Variants in EYS observed in about 807,000 individuals in gnomAD.
The protein encoded by EYS is protein eyes shut homolog.
Under a neutral mutation model 282.1 loss-of-function variants are expected in EYS, and 250 were observed. The observed-to-expected ratio is 0.89, with a 90% CI of 0.80 to 0.98. The LOEUF (loss-of-function observed/expected upper bound fraction) is 0.98. EYS is among the 50% of genes least tolerant of loss of function. The pLI is 0.00. For missense variants in EYS, 4,016 were observed against 3,709.0 expected, an observed-to-expected ratio of 1.08 and a Z score of -2.15; for synonymous variants, 1,355 against 1,282.9, an observed-to-expected ratio of 1.06 and a Z score of -1.20.
intron 18 of EYS, among the ~76,000 whole-genome samples, chr6:64,888,289 C>T (rs1027060427): frequency 6.6e-6 from 1 of 151,936 alleles, no homozygotes; most frequent in Non-Finnish European, 1.5e-5. Flanking sequence ...TGAATGTTTG[C>T]ACCACAAAGA....
chr6:64,805,526 T>A (rs1425456679), intron 22 of EYS, among the ~76,000 whole-genome samples: 1 of 151,766 alleles, frequency 6.6e-6, no homozygotes, highest in Non-Finnish European at 1.5e-5. Context: ...TATAATAAAT[T>A]CTCACTACTC....
intron 22 of EYS, among the ~76,000 whole-genome samples, chr6:64,714,857 T>C (rs1293249713): frequency 6.6e-6 from 1 of 152,092 alleles, no homozygotes; most frequent in Non-Finnish European, 1.5e-5. Context: ...CTAAAATAAA[T>C]AGGCTGATGA....
intron 5 of EYS, among the ~76,000 whole-genome samples, chr6:65,452,416 T>C (rs945696636): frequency 3.3e-5 from 5 of 151,916 alleles, no homozygotes; most frequent in Non-Finnish European, 7.4e-5. Flanking sequence ...ATAATTAAGT[T>C]TTTTAGTGTG....
At chr6:65,097,197 C>T (rs752169233) in intron 12 of EYS, among the ~76,000 whole-genome samples, 6 of 151,050 alleles carry the variant, frequency 4.0e-5, no homozygotes, top group African/African-American at 7.3e-5. Flanking sequence ...TCTGAATAAA[C>T]ACTTCTCCAA....
chr6:64,934,313 A>T (rs1374220833), intron 15 of EYS, among the ~76,000 whole-genome samples: 6 of 151,866 alleles, frequency 4.0e-5, no homozygotes, highest in Non-Finnish European at 8.8e-5. Flanking sequence ...CTACTCACAT[A>T]TGAGTTCCAA....
chr6:63,932,473 G>T (rs954725634), intron 35 of EYS, among the ~76,000 whole-genome samples: 5 of 151,996 alleles, frequency 3.3e-5, no homozygotes, highest in African/African-American at 1.2e-4. Flanking sequence ...GTGTTACCTG[G>T]TTCAACACTC....
chr6:64,758,232 T>C (rs1773021991), intron 22 of EYS, among the ~76,000 whole-genome samples: 1 of 152,116 alleles, frequency 6.6e-6, no homozygotes, highest in Non-Finnish European at 1.5e-5. Flanking sequence ...CATTCTCCCA[T>C]TTACCTCACT....
At chr6:65,515,434 T>C (rs1767087259) in intron 2 of EYS, among the ~76,000 whole-genome samples, 1 of 152,006 alleles carries the variant, frequency 6.6e-6, no homozygotes, top group South Asian at 2.1e-4. Flanking sequence ...AGCCATCCCA[T>C]TACTGGGTAT....
intron 28 of EYS, among the ~76,000 whole-genome samples, chr6:64,395,321 A>G (rs1174795360): frequency 1.3e-5 from 2 of 152,300 alleles, no homozygotes; most frequent in Admixed American, 6.5e-5. Flanking sequence ...TGCTATAAAG[A>G]CGCATGCACA....
At chr6:64,071,321 CTAA>C (rs758304469) in intron 32 of EYS, among the ~76,000 whole-genome samples, 28 of 152,076 alleles carry the variant, frequency 1.8e-4, no homozygotes, top group East Asian at 3.9e-4. Context: ...TTGCAGAAAA[CTAA>C]TAATAATTCA....
chr6:64,495,018 T>A (rs1324148638), intron 26 of EYS, among the ~76,000 whole-genome samples: 4 of 151,720 alleles, frequency 2.6e-5, no homozygotes, highest in Non-Finnish European at 4.4e-5. Flanking sequence ...CTGTGATTTA[T>A]AATTACTGTG....
At chr6:63,877,109 G>T (rs1043894559) in intron 35 of EYS, among the ~76,000 whole-genome samples, 5 of 152,156 alleles carry the variant, frequency 3.3e-5, no homozygotes, top group African/African-American at 1.2e-4. Context: ...GCTGGTACTG[G>T]TTGTTCCTTT....
chr6:64,106,351 C>T (rs1049802834), intron 31 of EYS, among the ~76,000 whole-genome samples: 6 of 151,584 alleles, frequency 4.0e-5, no homozygotes, highest in African/African-American at 1.5e-4. Flanking sequence ...GAAAAAAAAT[C>T]TTTGATGAAT....
chr6:65,453,814 A>G (rs1484097969), intron 5 of EYS, among the ~76,000 whole-genome samples: 3 of 151,974 alleles, frequency 2.0e-5, no homozygotes, highest in African/African-American at 4.8e-5. Flanking sequence ...TTCACTTAAC[A>G]TGATGTCCTG....
intron 8 of EYS, among the ~76,000 whole-genome samples, chr6:65,364,435 G>A (rs1764834409): frequency 6.6e-6 from 1 of 150,992 alleles, no homozygotes; most frequent in Admixed American, 6.8e-5. Flanking sequence ...AACCTTGCAT[G>A]AGTTGAAAAA....
At chr6:63,886,799 G>A (rs1337389337) in intron 35 of EYS, among the ~76,000 whole-genome samples, 1 of 152,140 alleles carries the variant, frequency 6.6e-6, no homozygotes, top group East Asian at 1.9e-4. Flanking sequence ...CTATAAAATT[G>A]AGTGCTGACA....
chr6:65,628,457 C>A (rs975761892), intron 2 of EYS, among the ~76,000 whole-genome samples: 1 of 152,170 alleles, frequency 6.6e-6, no homozygotes, highest in Admixed American at 6.5e-5. Flanking sequence ...GCAATGGCAA[C>A]CCCCTGGGGT....
At chr6:64,904,316 G>A (rs1194925545) in intron 16 of EYS, among the ~76,000 whole-genome samples, 2 of 152,008 alleles carry the variant, frequency 1.3e-5, no homozygotes, top group African/African-American at 4.8e-5. Flanking sequence ...TTTGTAATTC[G>A]TTCATACGCT....
At chr6:63,787,984 G>T (rs1277496504) in intron 39 of EYS, 121 bp downstream of exon 39, 2 of 700,976 alleles carry the variant, frequency 2.9e-6, no homozygotes, top group African/African-American at 1.9e-5. Context: ...ATCAAACTTT[G>T]TTCAAGTCTG....
Sources: allele counts gnomAD v4.1 joint callset (sites outside exome capture counted in the v4.1 genomes callset), GRCh38; gene constraint gnomAD v4.1.1; transcripts MANE v1.5; gene names NCBI Gene and HGNC (gene_info 2026-07-23, HGNC 2026-07-21).